GTF2A1: variants seen among roughly 807,000 people sequenced by gnomAD.
GTF2A1 encodes transcription initiation factor IIA subunit 1.
Under a neutral mutation model 54.1 loss-of-function variants are expected in GTF2A1, and 12 were observed. The observed-to-expected ratio is 0.22, with a 90% confidence interval of 0.14 to 0.36. The LOEUF is 0.36. Among genes scored for constraint, GTF2A1 ranks in the 10% least tolerant of loss-of-function variants. The pLI, the probability that GTF2A1 is intolerant of heterozygous loss-of-function variation, is 1.00. For synonymous variants in GTF2A1, 145 were observed against 152.0 expected (o/e 0.95, Z 0.34); for missense variants, 335 against 442.2 (o/e 0.76, Z 2.17).
intron 2 of GTF2A1, chr14:81,204,340 C>T (rs1372150612): frequency 3.1e-6 from 2 of 642,424 alleles, no homozygotes; most frequent in African/African-American, 3.6e-5. Context: ...TTTTTTTTAT[C>T]TTCCAATGAA....
chr14:81,214,722 T>C (rs1224879171), intron 2 of GTF2A1, among the ~76,000 whole-genome samples: 2 of 152,096 alleles, frequency 1.3e-5, no homozygotes, highest in Non-Finnish European at 2.9e-5. Context: ...TTTATACTAA[T>C]AGAAATTATA....
At chr14:81,210,228 A>C (rs1893333177) in intron 2 of GTF2A1, among the ~76,000 whole-genome samples, 1 of 152,242 alleles carries the variant, frequency 6.6e-6, no homozygotes, top group Admixed American at 6.5e-5. Flanking sequence ...TAAGACATAC[A>C]AAAAGAGTAT....
At chr14:81,217,996 A>C (rs1359987361) in intron 1 of GTF2A1, among the ~76,000 whole-genome samples, 2 of 152,170 alleles carry the variant, frequency 1.3e-5, no homozygotes, top group African/African-American at 2.4e-5. Flanking sequence ...TCCCTACTTT[A>C]ACATTCTAAT....
At chr14:81,191,115 G>T (rs750748497) in intron 7 of GTF2A1, among the ~76,000 whole-genome samples, 2 of 146,552 alleles carry the variant, frequency 1.4e-5, no homozygotes, top group Non-Finnish European at 3.0e-5. Context: ...TCCTAAGTGA[G>T]GAAATGCAAA....
At chr14:81,211,008 T>G (rs941587967) in intron 2 of GTF2A1, among the ~76,000 whole-genome samples, 7 of 152,232 alleles carry the variant, frequency 4.6e-5, no homozygotes, top group African/African-American at 1.7e-4. Context: ...TAAAACTTAC[T>G]AAATTCTGTG....
intron 8 of GTF2A1, among the ~76,000 whole-genome samples, chr14:81,182,064 T>G (rs1187163786): frequency 6.6e-6 from 1 of 152,090 alleles, no homozygotes; most frequent in Non-Finnish European, 1.5e-5. Flanking sequence ...CTTCTCCAAC[T>G]TCCATTTATT....
At chr14:81,192,059 G>A (rs1340770205) in intron 7 of GTF2A1, among the ~76,000 whole-genome samples, 1 of 152,178 alleles carries the variant, frequency 6.6e-6, no homozygotes, top group Non-Finnish European at 1.5e-5. Context: ...TAAGGAAGTG[G>A]TATAGAACAT....
intron 6 of GTF2A1, among the ~76,000 whole-genome samples, chr14:81,193,687 A>T (rs1892926811): frequency 6.6e-6 from 1 of 152,182 alleles, no homozygotes; most frequent in Non-Finnish European, 1.5e-5. Flanking sequence ...AAACCACCAG[A>T]TCAGATTTCT....
At chr14:81,211,573 T>A (rs1313434480) in intron 2 of GTF2A1, among the ~76,000 whole-genome samples, 1 of 151,894 alleles carries the variant, frequency 6.6e-6, no homozygotes, top group African/African-American at 2.4e-5. Flanking sequence ...CTACTGTTAA[T>A]CCCCAAGACC....
chr14:81,200,635 A>G (rs1893084705), intron 4 of GTF2A1, among the ~76,000 whole-genome samples: 1 of 151,948 alleles, frequency 6.6e-6, no homozygotes. Context: ...TTCAAAAAAA[A>G]AAAAAAACTT....
rs148636670 is a variant in GTF2A1, at chr14:81,213,509, G to A, written c.132+2904C>T. Reference sequence around the variant, plus strand: ...CTGATTTTCTACACCTAAAAATGCTGCATCTTCTATACAAGGTCACAAAAC... The same window carrying A: ...CTGATTTTCTACACCTAAAAATGCTACATCTTCTATACAAGGTCACAAAAC... On this transcript the variant is annotated intron_variant, in intron 2 of 8. Coordinates refer to ENST00000553612, the MANE Select transcript of GTF2A1 (RefSeq NM_015859.4). Among the ~76,000 whole-genome samples the A allele has an allele frequency of 2.6e-3, 388 of 152,136 alleles. 12 individuals carry two copies. The East Asian group carries it at 0.058, about 23-fold the overall frequency.
chr14:81,214,405 G>A (rs1893439880), intron 2 of GTF2A1, among the ~76,000 whole-genome samples: 2 of 152,012 alleles, frequency 1.3e-5, no homozygotes. Flanking sequence ...CAGCACTTTG[G>A]GAGGCCGAGG....
rs373894184 is a variant in GTF2A1 at position 81,185,496 on chromosome 14, A to G, written c.1023+35T>C. The G allele has an allele frequency of 3.5e-4, 395 of 1,135,682 alleles. 1 individual carries two copies. The highest frequency in any genetic ancestry group is 4.9e-4 in the Non-Finnish European group (363 of 746,718). The allele number at this position is 1,135,682 out of a possible 1,614,324, so 70.4% of individuals were successfully genotyped here. ...TAATGTAGGGAAGAAATTACAACAC[A>G]AATAACGTCAGTAATCTGAAGATGA... On this transcript the variant is annotated intron_variant, in intron 8 of 8. Coordinates refer to ENST00000553612, the MANE Select transcript of GTF2A1 (RefSeq NM_015859.4).
Position 81,204,038 on chromosome 14 carries a change from G to A in GTF2A1, c.199C>T (p.Leu67=). ...DGFHSEEQQL[L]LQVQQQHQPQ... is the part of the protein sequence containing the mutation. ...TGATGCTGCTGTTGAACTTGCAGTA[G>A]AAGCTGCTGCTCTTCTGAATGAAAT... The change falls in exon 3 of 9, where the codon CTA becomes TTA. Residue 67 remains leucine, a synonymous_variant. Transcript: ENST00000553612. 1.2e-6 allele frequency: 2 copies of A among 1,613,844 alleles called. No individual in the cohort carries two copies. Among genetic ancestry groups the A allele is most frequent in the South Asian group, 2.2e-5 (2 of 91,082 alleles).
At chr14:81,184,581 T>C (rs1479343871) in intron 8 of GTF2A1, among the ~76,000 whole-genome samples, 1 of 152,136 alleles carries the variant, frequency 6.6e-6, no homozygotes, top group Non-Finnish European at 1.5e-5. Context: ...ATTCTCCCTA[T>C]AGATCTGTTT....
In GTF2A1 at chr14:81,211,904, T is replaced by C. The variant is rs934908074; in HGVS notation, c.132+4509A>G. On this transcript the variant is annotated intron_variant, in intron 2 of 8. Coordinates refer to ENST00000553612, the MANE Select transcript of GTF2A1 (RefSeq NM_015859.4). ...ATATATATATATATATATATATATATATATAACTAGAGTATATTTAGAATA... is the reference window on the plus strand; with the variant it reads ...ATATATATATATATATATATATATACATATAACTAGAGTATATTTAGAATA... Among the ~76,000 whole-genome samples, 12 of 138,176 alleles carry C rather than the reference T, an allele frequency of 8.7e-5. 1 individual carries two copies. Among genetic ancestry groups the C allele is most frequent in the Admixed American group, 1.4e-4 (2 of 13,800 alleles). The allele number at this position is 138,176 out of a possible 152,430, so 90.6% of individuals were successfully genotyped here. A position where few individuals can be genotyped will look rare whatever the true frequency, so the allele number is the denominator to read the frequency against.
chr14:81,178,914 GT>G lies in GTF2A1; in HGVS notation c.*1308del, dbSNP rs942581035. Reference sequence around the variant, plus strand: ...ACACTGAACACAGCAGTGCCATATTGTTCTTCAGAGCCCCTTACAGAATACA... The same window carrying G: ...ACACTGAACACAGCAGTGCCATATTGTCTTCAGAGCCCCTTACAGAATACA... On this transcript the variant is annotated 3_prime_UTR_variant, in exon 9 of 9. Coordinates refer to ENST00000553612, the MANE Select transcript of GTF2A1 (RefSeq NM_015859.4). The G allele has an allele frequency of 6.6e-6, 1 of 152,158 alleles. No individual in the cohort carries two copies. The highest frequency in any genetic ancestry group is 1.5e-5 in the Non-Finnish European group (1 of 68,022). 9.4% of individuals were successfully genotyped at this position (152,158 alleles called of 1,614,324 possible).
chr14:81,220,240 C>A (rs1595236293), intron 1 of GTF2A1, among the ~76,000 whole-genome samples: 2 of 144,978 alleles, frequency 1.4e-5, no homozygotes, highest in South Asian at 4.2e-4. Flanking sequence ...CGGCCCGGCC[C>A]GGCCCGCGGC....
chr14:81,219,438 CAG>C (rs1387392458), intron 1 of GTF2A1, among the ~76,000 whole-genome samples: 1 of 152,196 alleles, frequency 6.6e-6, no homozygotes, highest in East Asian at 1.9e-4. Flanking sequence ...CCCATCCTGG[CAG>C]AGTCTATATT....
Sources: allele counts gnomAD v4.1 joint callset (sites outside exome capture counted in the v4.1 genomes callset), GRCh38; gene constraint gnomAD v4.1.1; transcripts MANE v1.5; gene names NCBI Gene and HGNC (gene_info 2026-07-23, HGNC 2026-07-21).